CNTNAP3B: variants seen among roughly 807,000 people sequenced by gnomAD.
The protein encoded by CNTNAP3B is contactin-associated protein-like 3B.
Under a neutral mutation model 108.9 loss-of-function variants are expected in CNTNAP3B, and 25 were observed. That is an observed-to-expected ratio of 0.23 (90% CI 0.17 to 0.32). The LOEUF (loss-of-function observed/expected upper bound fraction) is 0.32, where lower values mean the gene tolerates loss of function less well. CNTNAP3B is among the 10% of genes least tolerant of loss of function. The probability of loss-of-function intolerance (pLI) is 1.00; values close to 1 mark genes in which losing one functional copy is unlikely to be tolerated. For missense variants in CNTNAP3B, 252 were observed against 1,210.4 expected (o/e 0.21, Z 11.75); for synonymous variants, 103 against 473.4 (o/e 0.22, Z 10.16).
In CNTNAP3B at chr9:42,112,326, G is replaced by T. The variant is rs1222165800; in HGVS notation, c.86-7587C>A. On this transcript the variant is annotated intron_variant, in intron 1 of 23. Transcript: ENST00000377561. Reference sequence around the variant, plus strand: ...CTGAAATACTGAGGTCTGTCTCATGGAAAATGAATTACACCTCTGGAGAAG... The same window carrying T: ...CTGAAATACTGAGGTCTGTCTCATGTAAAATGAATTACACCTCTGGAGAAG... Among the ~76,000 whole-genome samples, 2 of 139,408 alleles carry T rather than the reference G, an allele frequency of 1.4e-5. 1 individual carries two copies. Among genetic ancestry groups the T allele is most frequent in the Non-Finnish European group, 3.1e-5 (2 of 65,060 alleles). The allele number at this position is 139,408 out of a possible 152,430, so 91.5% of individuals were successfully genotyped here.
At chr9:42,044,309 A>G (rs1222801307) in intron 3 of CNTNAP3B, among the ~76,000 whole-genome samples, 1 of 151,388 alleles carries the variant, frequency 6.6e-6, no homozygotes, top group Non-Finnish European at 1.5e-5. Flanking sequence ...TATAGGGTTC[A>G]GCACTGTTTG....
At chr9:42,076,516 A>G (rs1587252147) in intron 3 of CNTNAP3B, among the ~76,000 whole-genome samples, 1 of 121,136 alleles carries the variant, frequency 8.3e-6, no homozygotes, top group East Asian at 2.5e-4. Flanking sequence ...GTGTTCCTGT[A>G]CTTGTCATAC....
At position 42,115,054 on chromosome 9, in the gene CNTNAP3B, G is replaced by A. The variant is rs1473165772; in HGVS notation, c.86-10315C>T. On this transcript the variant is annotated intron_variant, in intron 1 of 23. Transcript: ENST00000377561. ...AGGTGACAGAGCAAGACTCCATATC[G>A]GAAAAAAAAAAGAAATACTTACAAT... is the stretch of plus-strand genomic sequence containing the variant. 2.7e-4 allele frequency among the ~76,000 whole-genome samples: 36 copies of A among 133,562 alleles called. 6 individuals carry two copies. In the South Asian group the frequency reaches 3.7e-3, roughly 14 times the overall value. 87.6% of individuals were successfully genotyped at this position (133,562 alleles called of 152,430 possible).
chr9:41,931,912 C>G (rs1290562855), intron 14 of CNTNAP3B, among the ~76,000 whole-genome samples: 1 of 151,600 alleles, frequency 6.6e-6, no homozygotes, highest in Admixed American at 6.6e-5. Flanking sequence ...ATTTTCAATA[C>G]TGACTGTGCA....
At chr9:41,958,333 G>T (rs1473816002) in intron 12 of CNTNAP3B, among the ~76,000 whole-genome samples, 3 of 152,304 alleles carry the variant, frequency 2.0e-5, no homozygotes, top group Non-Finnish European at 4.4e-5. Flanking sequence ...TTGTTGCAGA[G>T]GTGGGGGTCT....
chr9:41,967,742 G>A (rs1825324250), intron 10 of CNTNAP3B, among the ~76,000 whole-genome samples: 1 of 152,262 alleles, frequency 6.6e-6, no homozygotes, highest in African/African-American at 2.4e-5. Flanking sequence ...ATAAAATTCA[G>A]GTTTTCAAAA....
chr9:42,063,286 C>T (rs1283779276), intron 3 of CNTNAP3B, among the ~76,000 whole-genome samples: 2 of 126,592 alleles, frequency 1.6e-5, no homozygotes, highest in Non-Finnish European at 3.3e-5. Flanking sequence ...TTCTCTTTTC[C>T]TTCTGTAGAA....
intron 2 of CNTNAP3B, among the ~76,000 whole-genome samples, chr9:42,086,951 G>A (rs1827716569): frequency 8.8e-6 from 1 of 114,126 alleles, no homozygotes; most frequent in Non-Finnish European, 1.8e-5. Context: ...TATAAACATA[G>A]TGTGTCTCTC....
chr9:41,958,494 G>A (rs1242131494), intron 12 of CNTNAP3B, among the ~76,000 whole-genome samples: 2 of 151,896 alleles, frequency 1.3e-5, no homozygotes, highest in East Asian at 1.9e-4. Context: ...CTGCTGTAAA[G>A]AGGCCTGCAG....
At position 42,111,000 on chromosome 9, in the gene CNTNAP3B, A is replaced by G. The variant is rs1471065039; in HGVS notation, c.86-6261T>C. ...AAAACTTCTGTTTTACATGGTCTTG[A>G]TCTCCATTCGATTATCTTCAGTCAC... On this transcript the variant is annotated intron_variant, in intron 1 of 23. Transcript: ENST00000377561. Among the ~76,000 whole-genome samples, 4 of 138,968 alleles carry G rather than the reference A, an allele frequency of 2.9e-5. 1 individual carries two copies. Among genetic ancestry groups the G allele is most frequent in the African/African-American group, 8.6e-5 (3 of 34,988 alleles). 91.2% of individuals were successfully genotyped at this position (138,968 alleles called of 152,430 possible). A position where few individuals can be genotyped will look rare whatever the true frequency, so the allele number is the denominator to read the frequency against.
intron 13 of CNTNAP3B, among the ~76,000 whole-genome samples, chr9:41,948,033 T>A (rs1309547031): frequency 4.2e-5 from 2 of 47,652 alleles, no homozygotes; most frequent in Non-Finnish European, 1.1e-4. Flanking sequence ...TTAAAATTAC[T>A]GAAAAAAAAT....
At chr9:41,951,843 G>T (rs1402273467) in intron 13 of CNTNAP3B, among the ~76,000 whole-genome samples, 1 of 152,236 alleles carries the variant, frequency 6.6e-6, no homozygotes, top group African/African-American at 2.4e-5. Context: ...TTGGGAGGCT[G>T]AGGCGGGCGG....
chr9:41,949,884 T>C (rs1434027721), intron 13 of CNTNAP3B, among the ~76,000 whole-genome samples: 29 of 152,278 alleles, frequency 1.9e-4, no homozygotes, highest in Admixed American at 1.0e-3. Context: ...AAACTGAATC[T>C]CATCAAAATT....
chr9:42,112,036 A>C lies in CNTNAP3B; in HGVS notation c.86-7297T>G, dbSNP rs1049194297. Among the ~76,000 whole-genome samples, 14 of 138,722 alleles carry C rather than the reference A, an allele frequency of 1.0e-4. 4 individuals are homozygous for C. The highest frequency in any genetic ancestry group is 4.0e-4 in the African/African-American group (14 of 34,872). The allele number at this position is 138,722 out of a possible 152,430, so 91.0% of individuals were successfully genotyped here. On this transcript the variant is annotated intron_variant, in intron 1 of 23. Transcript: ENST00000377561. The stretch of plus-strand genomic sequence containing the variant: ...GTCCTGGCATTCAATTCCTTCCATC[A>C]CCTGTTCCCCGTTACTCTCTGCACT...
chr9:41,956,563 A>G (rs1312952699), intron 12 of CNTNAP3B, among the ~76,000 whole-genome samples: 1 of 151,446 alleles, frequency 6.6e-6, no homozygotes, highest in African/African-American at 2.4e-5. Flanking sequence ...ACCCATTCCT[A>G]TATGTCCCAG....
At chr9:42,024,819 CA>C (rs1181093937) in intron 3 of CNTNAP3B, among the ~76,000 whole-genome samples, 14 of 145,008 alleles carry the variant, frequency 9.7e-5, no homozygotes, top group African/African-American at 3.4e-4. Flanking sequence ...ATTTCTCATC[CA>C]GTTTCTCAGG....
intron 13 of CNTNAP3B, among the ~76,000 whole-genome samples, chr9:41,943,650 A>G (rs62536524): frequency 1 from 147,329 of 147,978 alleles, 73,340 homozygotes; most frequent in East Asian, 1. Flanking sequence ...CACCGCGCCC[A>G]GCCCTGTTGG....
Position 41,929,367 on chromosome 9 carries a change from G to T in CNTNAP3B, c.2315C>A (p.Pro772Gln), listed in dbSNP as rs1209967557. 1 of 1,544,478 alleles carries T rather than the reference G, an allele frequency of 6.5e-7. No homozygotes were observed. The highest frequency in any genetic ancestry group is 2.3e-5 in the East Asian group (1 of 43,432). ...TQIVMTDTGQ[P>Q]HSEADYTLGP... ...CAGTGTATAATCTGCTTCGGAATGT[G>T]GTTGGCCTGTGTCTGTCATCACAAT... is the stretch of plus-strand genomic sequence containing the variant. The change falls in exon 15 of 24, where the codon CCA becomes CAA. Residue 772 changes from proline to glutamine, a missense_variant. Coordinates refer to ENST00000377561, the MANE Select transcript of CNTNAP3B (RefSeq NM_001201380.3).
intron 1 of CNTNAP3B, among the ~76,000 whole-genome samples, chr9:42,126,697 G>T (rs538374387): frequency 7.4e-6 from 1 of 135,088 alleles, no homozygotes; most frequent in Non-Finnish European, 1.6e-5. Context: ...AGCCTCCCGA[G>T]TAGCTGGAAT....
Sources: allele counts gnomAD v4.1 joint callset (sites outside exome capture counted in the v4.1 genomes callset), GRCh38; gene constraint gnomAD v4.1.1; transcripts MANE v1.5; gene names NCBI Gene and HGNC (gene_info 2026-07-23, HGNC 2026-07-21).